MECOM: variants seen among roughly 807,000 people sequenced by gnomAD.
MECOM encodes the protein histone-lysine N-methyltransferase MECOM.
In MECOM, 13 loss-of-function variants were observed where a neutral mutation model predicts 116.3. That is an observed-to-expected ratio of 0.11 (90% confidence interval 0.07 to 0.18). MECOM has a LOEUF of 0.18. Ranked by LOEUF, MECOM falls within the 10% of genes least tolerant of loss-of-function variation. MECOM has a pLI of 1.00. For synonymous variants in MECOM, 528 were observed against 535.2 expected, an observed-to-expected ratio of 0.99 and a Z score of 0.19; for missense variants, 1,299 against 1,509.0, an observed-to-expected ratio of 0.86 and a Z score of 2.31.
chr3:169,099,853 ATGT>A (rs1186531728), intron 12 of MECOM, among the ~76,000 whole-genome samples: 1 of 152,080 alleles, frequency 6.6e-6, no homozygotes, highest in Non-Finnish European at 1.5e-5. Flanking sequence ...GGAAAGAGTA[ATGT>A]TGTCTATTTT....
At chr3:169,339,044 C>A (rs569365537) in intron 2 of MECOM, among the ~76,000 whole-genome samples, 1 of 152,070 alleles carries the variant, frequency 6.6e-6, no homozygotes, top group Non-Finnish European at 1.5e-5. Context: ...AGAGTAGAAC[C>A]AAAATCAATA....
At chr3:169,147,673 A>C in intron 2 of MECOM, 2 of 985,314 alleles carry the variant, frequency 2.0e-6, no homozygotes, top group Non-Finnish European at 2.4e-6. Flanking sequence ...TTCTTTCCCC[A>C]GGGAAATAGC....
intron 2 of MECOM, among the ~76,000 whole-genome samples, chr3:169,159,360 C>T (rs971956973): frequency 3.3e-5 from 5 of 152,062 alleles, no homozygotes; most frequent in East Asian, 3.9e-4. Flanking sequence ...GAGTTTGAGA[C>T]GAGCCTGACC....
At chr3:169,277,878 C>T (rs76616871) in intron 2 of MECOM, among the ~76,000 whole-genome samples, 2,767 of 152,318 alleles carry the variant, frequency 0.018, 95 homozygotes, top group African/African-American at 0.064. Context: ...CAAAGAGATG[C>T]CCCTGTACCA....
intron 2 of MECOM, among the ~76,000 whole-genome samples, chr3:169,159,163 T>C (rs1426334190): frequency 1.3e-5 from 2 of 152,232 alleles, no homozygotes; most frequent in African/African-American, 4.8e-5. Flanking sequence ...CACAGTTTCC[T>C]GCTAGACCAT....
chr3:169,190,565 A>G (rs1318137692), intron 2 of MECOM, among the ~76,000 whole-genome samples: 2 of 152,090 alleles, frequency 1.3e-5, no homozygotes, highest in African/African-American at 2.4e-5. Flanking sequence ...AAACCTCATC[A>G]CAGGCCAACT....
At chr3:169,467,588 A>G (rs543446050) in intron 1 of MECOM, among the ~76,000 whole-genome samples, 1 of 152,316 alleles carries the variant, frequency 6.6e-6, no homozygotes, top group South Asian at 2.1e-4. Context: ...TAAACTACCA[A>G]GGGAGCTCTA....
chr3:169,221,203 C>A (rs1560010670), intron 2 of MECOM, among the ~76,000 whole-genome samples: 3 of 152,174 alleles, frequency 2.0e-5, no homozygotes, highest in Admixed American at 1.3e-4. Context: ...AATTTAGCAT[C>A]ATTTTTGAAA....
chr3:169,483,942 A>G, intron 1 of MECOM: 1 of 1,607,044 alleles, frequency 6.2e-7, no homozygotes, highest in East Asian at 2.2e-5. Context: ...AAACTGCTCA[A>G]AATTGGCAGC....
At chr3:169,445,541 G>T (rs1744474544) in intron 1 of MECOM, among the ~76,000 whole-genome samples, 1 of 152,230 alleles carries the variant, frequency 6.6e-6, no homozygotes, top group Non-Finnish European at 1.5e-5. Context: ...TTGCTGCAGG[G>T]ACGGGGCCCT....
At chr3:169,158,110 C>A (rs976180485) in intron 2 of MECOM, among the ~76,000 whole-genome samples, 1 of 151,926 alleles carries the variant, frequency 6.6e-6, no homozygotes. Context: ...CAAAATTTCT[C>A]AAAAAAAGTG....
chr3:169,362,128 C>T lies in MECOM; in HGVS notation c.375+19059G>A, dbSNP rs182062055. On this transcript the variant is annotated intron_variant, in intron 2 of 16. Coordinates refer to ENST00000651503, the MANE Select transcript of MECOM (RefSeq NM_004991.4). The stretch of plus-strand genomic sequence containing the variant: ...TAACTTGTATTCTTCTCAAAACATG[C>T]CCCAATATATTAGGTTGGTGTAAAA... Among the ~76,000 whole-genome samples, 283 of 151,914 alleles carry T rather than the reference C, an allele frequency of 1.9e-3. 2 individuals are homozygous for T. Among genetic ancestry groups the T allele is most frequent in the African/African-American group, 6.5e-3 (268 of 41,494 alleles).
At chr3:169,431,707 C>A (rs887560698) in intron 1 of MECOM, among the ~76,000 whole-genome samples, 5 of 152,184 alleles carry the variant, frequency 3.3e-5, no homozygotes, top group Non-Finnish European at 2.9e-5. Context: ...GCCAAATACA[C>A]ACGGTTGTGA....
At chr3:169,445,950 C>G (rs551861017) in intron 1 of MECOM, among the ~76,000 whole-genome samples, 1 of 152,166 alleles carries the variant, frequency 6.6e-6, no homozygotes, top group African/African-American at 2.4e-5. Context: ...CAGTTTCTCC[C>G]ATTTGGAATG....
intron 1 of MECOM, among the ~76,000 whole-genome samples, chr3:169,521,417 T>C (rs971265383): frequency 6.6e-6 from 1 of 152,194 alleles, no homozygotes; most frequent in East Asian, 1.9e-4. Flanking sequence ...CCTTTACTTT[T>C]TGGTGTCCAT....
At chr3:169,183,433 C>G (rs1251271785) in intron 2 of MECOM, among the ~76,000 whole-genome samples, 2 of 152,188 alleles carry the variant, frequency 1.3e-5, no homozygotes, top group Non-Finnish European at 2.9e-5. Context: ...ATCCCTATCT[C>G]TTTGACTTTA....
chr3:169,365,629 T>G (rs980248834), intron 2 of MECOM, among the ~76,000 whole-genome samples: 2 of 152,120 alleles, frequency 1.3e-5, no homozygotes, highest in African/African-American at 2.4e-5. Flanking sequence ...GGCATCAAGC[T>G]TCTGTATTTC....
At position 169,400,060 on chromosome 3, in the gene MECOM, C is replaced by T. The variant is rs140379299; in HGVS notation, c.38-18536G>A. ...AGGTATTTTCCCTGCTGCTTCCTTA[C>T]CCTGAAATTTGACGTTCATTTTAAT... On this transcript the variant is annotated intron_variant, in intron 1 of 16. Transcript: ENST00000651503. Among the ~76,000 whole-genome samples the T allele has an allele frequency of 1.8e-4, 27 of 152,284 alleles. 1 individual carries two copies. Among genetic ancestry groups the T allele is most frequent in the African/African-American group, 6.3e-4 (26 of 41,566 alleles).
In MECOM at chr3:169,353,834, CAACAT is replaced by C. The variant is rs545411098; in HGVS notation, c.375+27348_375+27352del. On this transcript the variant is annotated intron_variant, in intron 2 of 16. Transcript: ENST00000651503. The stretch of plus-strand genomic sequence containing the variant: ...GTTGTGAAGCTAGTTGAATTCATCA[CAACAT>C]AACTATAAATTTCTTCTCAAATCAT... Among the ~76,000 whole-genome samples, 5 of 151,780 alleles carry C rather than the reference CAACAT, an allele frequency of 3.3e-5. No individual in the cohort carries two copies. In the South Asian group the frequency reaches 1.0e-3, roughly 31 times the overall value.
Sources: gnomAD v4.1 joint callset for allele counts (sites outside exome capture counted in the v4.1 genomes callset) on GRCh38, gnomAD v4.1.1 for gene constraint, MANE v1.5 for transcripts, NCBI Gene and HGNC (gene_info 2026-07-23, HGNC 2026-07-21) for gene names.